Variants in UST observed in about 807,000 individuals in gnomAD.
The protein encoded by UST is uronyl 2-sulfotransferase.
In UST, 21 loss-of-function variants were observed where a neutral mutation model predicts 45.6. That is an observed-to-expected ratio of 0.46 (90% CI 0.33 to 0.66). UST has a LOEUF of 0.66. Among genes scored for constraint, UST ranks in the 30% least tolerant of loss-of-function variants. UST has a pLI of 0.02. For synonymous variants in UST, 215 were observed against 200.6 expected (o/e 1.07, Z -0.61); for missense variants, 463 against 512.4 (o/e 0.90, Z 0.93).
intron 7 of UST, among the ~76,000 whole-genome samples, chr6:149,048,440 G>T (rs528959130): frequency 2.6e-5 from 4 of 152,034 alleles, no homozygotes; most frequent in East Asian, 1.9e-4. Flanking sequence ...GGACGCTGAG[G>T]CAGGAGAATC....
At chr6:148,848,680 A>T (rs555258489) in intron 1 of UST, among the ~76,000 whole-genome samples, 2 of 152,126 alleles carry the variant, frequency 1.3e-5, no homozygotes, top group South Asian at 4.2e-4. Context: ...AAAAAAAAAA[A>T]AAAAATGATT....
At chr6:149,069,901 A>G (rs1394528874) in intron 7 of UST, among the ~76,000 whole-genome samples, 1 of 152,220 alleles carries the variant, frequency 6.6e-6, no homozygotes, top group Non-Finnish European at 1.5e-5. Flanking sequence ...TTTTGTAGTC[A>G]AGGTATTTAT....
At chr6:148,882,005 C>G (rs1778831007) in intron 1 of UST, among the ~76,000 whole-genome samples, 1 of 152,164 alleles carries the variant, frequency 6.6e-6, no homozygotes, top group Non-Finnish European at 1.5e-5. Flanking sequence ...GTCTATGCAA[C>G]TTTTCTTTCC....
chr6:148,998,833 A>T (rs1376960981), intron 5 of UST, among the ~76,000 whole-genome samples: 1 of 152,240 alleles, frequency 6.6e-6, no homozygotes, highest in Non-Finnish European at 1.5e-5. Flanking sequence ...TGCTGGTCTG[A>T]ATGCAGCAAG....
chr6:148,906,942 G>T (rs1055665893), intron 2 of UST, among the ~76,000 whole-genome samples: 4 of 152,192 alleles, frequency 2.6e-5, no homozygotes, highest in Non-Finnish European at 4.4e-5. Context: ...ACAGCAACAA[G>T]CAGAGTTTGA....
intron 7 of UST, among the ~76,000 whole-genome samples, chr6:149,054,729 AT>A (rs201207812): frequency 6.6e-6 from 1 of 152,194 alleles, no homozygotes; most frequent in East Asian, 1.9e-4. Context: ...GCCACTTTAC[AT>A]TGTTCAGTGG....
chr6:148,881,608 C>T (rs765842163), intron 1 of UST, among the ~76,000 whole-genome samples: 28 of 152,126 alleles, frequency 1.8e-4, no homozygotes, highest in Non-Finnish European at 2.9e-4. Context: ...AGACCCTTGC[C>T]AGCCCACTTC....
intron 7 of UST, among the ~76,000 whole-genome samples, chr6:149,058,162 A>T (rs1340411443): frequency 1.3e-5 from 2 of 152,176 alleles, no homozygotes; most frequent in African/African-American, 4.8e-5. Context: ...ACGAAACCCC[A>T]GAGAAGAAAA....
intron 1 of UST, among the ~76,000 whole-genome samples, chr6:148,836,771 G>C (rs1281265577): frequency 6.6e-6 from 1 of 152,172 alleles, no homozygotes; most frequent in Non-Finnish European, 1.5e-5. Context: ...ACAGGGGCGG[G>C]GTTGGATGGT....
chr6:149,023,133 TGTGTGTGTGTGTGTGTG>T (rs1327856554), intron 7 of UST, among the ~76,000 whole-genome samples: 52 of 150,474 alleles, frequency 3.5e-4, no homozygotes, highest in African/African-American at 1.1e-3. Context: ...TGTGTGTGTG[TGTGTGTGTGTGTGTGTG>T]GTGTGGTGTG....
In UST at chr6:148,828,102, T is replaced by C. The variant is rs553391846; in HGVS notation, c.248-58884T>C. Reference sequence around the variant, plus strand: ...TATACGTAATTTGACAGAAGTCAAATATGTTGACTTCTGTCAAATATATAT... The same window carrying C: ...TATACGTAATTTGACAGAAGTCAAACATGTTGACTTCTGTCAAATATATAT... On this transcript the variant is annotated intron_variant, in intron 1 of 7. Coordinates refer to ENST00000367463, the MANE Select transcript of UST (RefSeq NM_005715.3). 3.3e-3 allele frequency among the ~76,000 whole-genome samples: 497 copies of C among 152,214 alleles called. 3 individuals are homozygous for C. The highest frequency in any genetic ancestry group is 0.011 in the African/African-American group (476 of 41,568).
chr6:149,023,574 A>C (rs1171076562), intron 7 of UST, among the ~76,000 whole-genome samples: 1 of 152,182 alleles, frequency 6.6e-6, no homozygotes, highest in African/African-American at 2.4e-5. Context: ...GTTTATTTTA[A>C]TGAGCACTCT....
intron 1 of UST, among the ~76,000 whole-genome samples, chr6:148,759,834 C>T (rs1185109682): frequency 8.6e-6 from 1 of 116,264 alleles, no homozygotes; most frequent in Non-Finnish European, 1.6e-5. Context: ...GGCGACAGAG[C>T]GAGACTCTGT....
At position 149,019,253 on chromosome 6, in the gene UST, G is replaced by T. The variant is rs749932942; in HGVS notation, c.779+17G>T. 4.4e-6 allele frequency: 7 copies of T among 1,601,968 alleles called. No individual in the cohort carries two copies. Among genetic ancestry groups the T allele is most frequent in the East Asian group, 2.2e-5 (1 of 44,820 alleles). On this transcript the variant is annotated intron_variant, in intron 6 of 7. Transcript: ENST00000367463. ...CAGATGCAGGTAAGGGCTAAAGCAG[G>T]GTCATGGCATGCACGTACGCACAAC...
rs1025242188 is a variant in UST at position 148,790,597 on chromosome 6, C to T, written c.247+42920C>T. On this transcript the variant is annotated intron_variant, in intron 1 of 7. Transcript: ENST00000367463. The surrounding 1 kb of genome is among the most constrained non-coding windows in gnomAD (Gnocchi z 4.2). Reference sequence around the variant, plus strand: ...TGATGTGCCACCGTTCAGAGAGGCACTCAGGCTGCCAGCTTCTGAGCATGG... The same window carrying T: ...TGATGTGCCACCGTTCAGAGAGGCATTCAGGCTGCCAGCTTCTGAGCATGG... 3.3e-5 allele frequency among the ~76,000 whole-genome samples: 5 copies of T among 152,196 alleles called. No homozygotes were observed. Among genetic ancestry groups the T allele is most frequent in the African/African-American group, 7.2e-5 (3 of 41,442 alleles).
In UST at chr6:149,017,799, T is replaced by TACACACACAC. The variant is rs10533222; in HGVS notation, c.682-1310_682-1301dup. On this transcript the variant is annotated intron_variant, in intron 5 of 7. Transcript: ENST00000367463. The stretch of plus-strand genomic sequence containing the variant: ...CATTGCAGCAATGAATATCCATATA[T>TACACACACAC]ACACACACACACACACACACACACA... 1.5e-3 allele frequency among the ~76,000 whole-genome samples: 223 copies of TACACACACAC among 148,914 alleles called. 1 individual carries two copies. The highest frequency in any genetic ancestry group is 4.2e-3 in the African/African-American group (169 of 40,516).
At chr6:148,763,829 T>C (rs551274246) in intron 1 of UST, among the ~76,000 whole-genome samples, 4 of 152,256 alleles carry the variant, frequency 2.6e-5, no homozygotes, top group African/African-American at 9.6e-5. Context: ...TATTTCTGGG[T>C]TCTCTACTAT....
intron 7 of UST, among the ~76,000 whole-genome samples, chr6:149,028,140 G>A (rs570933776): frequency 7.2e-5 from 11 of 152,226 alleles, no homozygotes; most frequent in East Asian, 1.9e-4. Flanking sequence ...CACCGCGCCC[G>A]GCCTAGTATG....
rs1355009119 is a variant in UST at position 148,790,678 on chromosome 6, C to T, written c.247+43001C>T. On this transcript the variant is annotated intron_variant, in intron 1 of 7. Coordinates refer to ENST00000367463, the MANE Select transcript of UST (RefSeq NM_005715.3). The surrounding 1 kb of genome is among the most constrained non-coding windows in gnomAD (Gnocchi z 4.2). ...TCAGCCTGGAAGGAGTGCTGTGCCCCGTGTGGAAGGAAACCTCCTCGCCCA... is the reference window on the plus strand; with the variant it reads ...TCAGCCTGGAAGGAGTGCTGTGCCCTGTGTGGAAGGAAACCTCCTCGCCCA... 3.3e-5 allele frequency among the ~76,000 whole-genome samples: 5 copies of T among 152,174 alleles called. No homozygotes were observed. The highest frequency in any genetic ancestry group is 4.1e-4 in the South Asian group (2 of 4,828).
Sources: gnomAD v4.1 joint callset for allele counts (sites outside exome capture counted in the v4.1 genomes callset) on GRCh38, gnomAD v4.1.1 for gene constraint, Gnocchi (gnomAD v3.1) non-coding constraint, MANE v1.5 for transcripts, NCBI Gene and HGNC (gene_info 2026-07-23, HGNC 2026-07-21) for gene names.